SGCZ: variants seen among roughly 807,000 people sequenced by gnomAD.
The protein encoded by SGCZ is zeta-sarcoglycan.
A neutral mutation model predicts 41.3 loss-of-function variants in SGCZ; 40 were observed. The ratio of observed to expected loss-of-function variants is 0.97; its 90% confidence interval spans 0.75 to 1.26. The LOEUF (loss-of-function observed/expected upper bound fraction) is 1.26. SGCZ is among the 50% of genes most tolerant of loss of function. The pLI is 0.00. For missense variants in SGCZ, 552 were observed against 369.8 expected (o/e 1.49, Z -4.04); for synonymous variants, 206 against 137.5 (o/e 1.50, Z -3.49).
At chr8:14,432,762 A>G (rs1469132590) in intron 2 of SGCZ, among the ~76,000 whole-genome samples, 1 of 151,954 alleles carries the variant, frequency 6.6e-6, no homozygotes, top group African/African-American at 2.4e-5. Context: ...AAAAATACAA[A>G]AATTAGCCAG....
intron 1 of SGCZ, among the ~76,000 whole-genome samples, chr8:14,819,408 C>A (rs961054306): frequency 1.3e-5 from 2 of 152,052 alleles, no homozygotes; most frequent in East Asian, 3.9e-4. Flanking sequence ...ATATATCATC[C>A]CATTGTCTCC....
At chr8:14,911,690 T>G (rs1799284193) in intron 1 of SGCZ, among the ~76,000 whole-genome samples, 1 of 152,006 alleles carries the variant, frequency 6.6e-6, no homozygotes, top group Non-Finnish European at 1.5e-5. Context: ...TCTTGAAATG[T>G]ACACACCTAG....
At chr8:14,190,939 T>C (rs541526285) in intron 4 of SGCZ, among the ~76,000 whole-genome samples, 1 of 152,254 alleles carries the variant, frequency 6.6e-6, no homozygotes, top group East Asian at 1.9e-4. Flanking sequence ...TCCACACTGG[T>C]TACATCAATC....
chr8:14,724,658 A>G (rs1432529349), intron 1 of SGCZ, among the ~76,000 whole-genome samples: 23 of 149,288 alleles, frequency 1.5e-4, no homozygotes, highest in Non-Finnish European at 1.5e-5. Context: ...TTTCACCTAC[A>G]GATTATAAAT....
chr8:14,849,670 G>A (rs953535866), intron 1 of SGCZ, among the ~76,000 whole-genome samples: 2 of 152,120 alleles, frequency 1.3e-5, no homozygotes, highest in Non-Finnish European at 2.9e-5. Flanking sequence ...GTGGTTCTGA[G>A]GAAGTATCAG....
At chr8:14,903,294 T>C (rs1296950999) in intron 1 of SGCZ, among the ~76,000 whole-genome samples, 1 of 151,688 alleles carries the variant, frequency 6.6e-6, no homozygotes, top group Non-Finnish European at 1.5e-5. Flanking sequence ...TGAGACTTGC[T>C]CTCATACTAA....
At position 14,208,915 on chromosome 8, in the gene SGCZ, C is replaced by G. The variant is rs1454109288; in HGVS notation, c.424+28677G>C. 2.6e-5 allele frequency among the ~76,000 whole-genome samples: 4 copies of G among 152,034 alleles called. No homozygotes were observed. The South Asian group carries it at 8.3e-4, about 32-fold the overall frequency. ...TTTTCCTTTTACTGAAAGGTAGCCC[C>G]CAAATTATTTCCATTTCTAACAAAA... On this transcript the variant is annotated intron_variant, in intron 4 of 7. Coordinates refer to ENST00000382080, the MANE Select transcript of SGCZ (RefSeq NM_139167.4).
chr8:14,314,091 A>G (rs1801636426), intron 3 of SGCZ, among the ~76,000 whole-genome samples: 1 of 152,126 alleles, frequency 6.6e-6, no homozygotes, highest in South Asian at 2.1e-4. Context: ...CACCAGTGAC[A>G]TACAATGGTG....
At chr8:14,224,481 C>A (rs926731295) in intron 4 of SGCZ, among the ~76,000 whole-genome samples, 2 of 152,140 alleles carry the variant, frequency 1.3e-5, no homozygotes, top group Non-Finnish European at 2.9e-5. Flanking sequence ...CTGCGCTGCC[C>A]TGGCTTTGTG....
chr8:15,138,909 G>A lies in SGCZ; in HGVS notation c.39+98676C>T, dbSNP rs551773101. Among the ~76,000 whole-genome samples, 4 of 152,262 alleles carry A rather than the reference G, an allele frequency of 2.6e-5. No individual in the cohort carries two copies. In the South Asian group the frequency reaches 8.3e-4, roughly 32 times the overall value. On this transcript the variant is annotated intron_variant, in intron 1 of 7. Coordinates refer to ENST00000382080, the MANE Select transcript of SGCZ (RefSeq NM_139167.4). ...GGAGTTCAAAAGGGAAAAGCAAAAT[G>A]TAAATCATATGATAAAGAAATGCCA...
At chr8:14,652,354 G>GT (rs1273652296) in intron 1 of SGCZ, among the ~76,000 whole-genome samples, 3 of 68,456 alleles carry the variant, frequency 4.4e-5, no homozygotes, top group Non-Finnish European at 6.7e-5. Flanking sequence ...AAAGGGGGGG[G>GT]TGTGGGGGGG....
intron 1 of SGCZ, among the ~76,000 whole-genome samples, chr8:14,852,432 T>C (rs1803362643): frequency 6.6e-6 from 1 of 152,182 alleles, no homozygotes; most frequent in African/African-American, 2.4e-5. Context: ...TAGTAAACTG[T>C]AACTCAAGAA....
chr8:14,565,661 C>A (rs1467106792), intron 1 of SGCZ, among the ~76,000 whole-genome samples: 1 of 151,970 alleles, frequency 6.6e-6, no homozygotes, highest in East Asian at 1.9e-4. Context: ...GCAGAAAGCC[C>A]ACACTACTTC....
intron 1 of SGCZ, among the ~76,000 whole-genome samples, chr8:14,999,124 C>T (rs183681499): frequency 1.3e-5 from 2 of 152,252 alleles, no homozygotes; most frequent in Non-Finnish European, 2.9e-5. Context: ...TTTCCTGTTA[C>T]AGAAAACAAT....
At chr8:14,302,364 T>A (rs1221663212) in intron 3 of SGCZ, among the ~76,000 whole-genome samples, 1 of 152,188 alleles carries the variant, frequency 6.6e-6, no homozygotes, top group Non-Finnish European at 1.5e-5. Flanking sequence ...ATTTATTAAA[T>A]CAAGTGTATT....
At chr8:14,213,833 C>T (rs892628918) in intron 4 of SGCZ, among the ~76,000 whole-genome samples, 6 of 151,996 alleles carry the variant, frequency 3.9e-5, no homozygotes, top group Admixed American at 1.3e-4. Flanking sequence ...CAAGACTTCA[C>T]TTGAAGTAAA....
chr8:14,341,086 G>C (rs1026518411), intron 2 of SGCZ, among the ~76,000 whole-genome samples: 1 of 152,094 alleles, frequency 6.6e-6, no homozygotes, highest in East Asian at 1.9e-4. Flanking sequence ...AGTCATCTAT[G>C]TTGTAGCATG....
At chr8:14,454,604 G>C (rs1693733425) in intron 2 of SGCZ, among the ~76,000 whole-genome samples, 1 of 152,012 alleles carries the variant, frequency 6.6e-6, no homozygotes, top group African/African-American at 2.4e-5. Context: ...CACTGTAAAA[G>C]AAATATGTGA....
At chr8:15,100,207 A>C (rs1806552198) in intron 1 of SGCZ, among the ~76,000 whole-genome samples, 1 of 152,186 alleles carries the variant, frequency 6.6e-6, no homozygotes, top group Admixed American at 6.5e-5. Context: ...AAAATTGCAA[A>C]ACCTGAAAAC....
Sources: gnomAD v4.1 joint callset for allele counts (sites outside exome capture counted in the v4.1 genomes callset) on GRCh38, gnomAD v4.1.1 for gene constraint, MANE v1.5 for transcripts, NCBI Gene and HGNC (gene_info 2026-07-23, HGNC 2026-07-21) for gene names.